The following FRK variants were observed in gnomAD, a reference collection of about 807,000 sequenced individuals.
The protein encoded by FRK is tyrosine-protein kinase FRK.
FRK carries 51 observed loss-of-function variants against 56.4 expected under a neutral mutation model. That is an observed-to-expected ratio of 0.90 (90% CI 0.72 to 1.14). The LOEUF (loss-of-function observed/expected upper bound fraction) is 1.14, where lower values mean the gene tolerates loss of function less well. Among genes scored for constraint, FRK ranks in the 50% most tolerant of loss-of-function variants. FRK has a pLI of 0.00. For synonymous variants in FRK, 245 were observed against 217.9 expected (o/e 1.12, Z -1.10); for missense variants, 570 against 601.4 (o/e 0.95, Z 0.55).
intron 1 of FRK, among the ~76,000 whole-genome samples, chr6:116,017,085 G>T (rs1775685944): frequency 6.6e-6 from 1 of 152,146 alleles, no homozygotes; most frequent in African/African-American, 2.4e-5. Context: ...ACAGAAAGAA[G>T]CAGTTGCACA....
chr6:116,036,632 T>A (rs779704100), intron 1 of FRK, among the ~76,000 whole-genome samples: 25 of 152,232 alleles, frequency 1.6e-4, no homozygotes, highest in Non-Finnish European at 3.2e-4. Flanking sequence ...TCCTGAGAGA[T>A]AGTCTTCCCT....
the FRK span, among the ~76,000 whole-genome samples, chr6:116,079,748 TTA>T: frequency 6.6e-6 from 1 of 152,132 alleles, no homozygotes; most frequent in Non-Finnish European, 1.5e-5. Flanking sequence ...TGCTAATTTT[TTA>T]ATTTTTTGTA....
chr6:116,070,310 G>A, the FRK span, among the ~76,000 whole-genome samples: 8 of 152,016 alleles, frequency 5.3e-5, no homozygotes, highest in African/African-American at 1.9e-4. Flanking sequence ...TAGCATAGGT[G>A]GCAGGGTTGG....
chr6:116,090,039 T>C, the FRK span, among the ~76,000 whole-genome samples: 2 of 152,200 alleles, frequency 1.3e-5, no homozygotes, highest in East Asian at 1.9e-4. Flanking sequence ...GATAAACAAA[T>C]AATTTTTTAG....
At chr6:115,966,268 C>G (rs1219150187) in intron 4 of FRK, among the ~76,000 whole-genome samples, 1 of 152,098 alleles carries the variant, frequency 6.6e-6, no homozygotes, top group Non-Finnish European at 1.5e-5. Flanking sequence ...CACTGCTACC[C>G]CCATTTTCTG....
At chr6:116,068,237 C>T in the FRK span, among the ~76,000 whole-genome samples, 1 of 152,080 alleles carries the variant, frequency 6.6e-6, no homozygotes, top group Non-Finnish European at 1.5e-5. Context: ...ATATTTGCAG[C>T]AGATGGTAAC....
At chr6:116,065,306 A>T (rs1340291079), upstream of FRK, among the ~76,000 whole-genome samples, 1 of 152,180 alleles carries the variant, frequency 6.6e-6, no homozygotes, top group African/African-American at 2.4e-5. Context: ...GGAAAATTGG[A>T]CTCTGTCTCC....
At chr6:116,041,655 C>T (rs1320482121) in intron 1 of FRK, among the ~76,000 whole-genome samples, 1 of 152,120 alleles carries the variant, frequency 6.6e-6, no homozygotes, top group Non-Finnish European at 1.5e-5. Context: ...TCAGGGAACT[C>T]CTTACCCTAG....
chr6:116,097,135 T>C, the FRK span, among the ~76,000 whole-genome samples: 1 of 151,324 alleles, frequency 6.6e-6, no homozygotes, highest in Non-Finnish European at 1.5e-5. Context: ...TTAAGATTAC[T>C]AAAAAAAAAT....
chr6:115,943,379 A>ATT (rs1772278544), intron 6 of FRK, among the ~76,000 whole-genome samples, 194 bp from the exon 7 acceptor site: 1 of 152,030 alleles, frequency 6.6e-6, no homozygotes, highest in African/African-American at 2.4e-5. Flanking sequence ...AGTCATTAAT[A>ATT]AAATATTATT....
the FRK span, among the ~76,000 whole-genome samples, chr6:116,087,606 A>G: frequency 6.6e-6 from 1 of 152,272 alleles, no homozygotes; most frequent in Admixed American, 6.5e-5. Flanking sequence ...CAGAGAATAC[A>G]GAGTAGCCCA....
At chr6:116,065,849 C>G (rs1777752341), upstream of FRK, among the ~76,000 whole-genome samples, 1 of 152,180 alleles carries the variant, frequency 6.6e-6, no homozygotes, top group Non-Finnish European at 1.5e-5. Context: ...TGTCATTCTC[C>G]TAGAACACAG....
chr6:116,037,972 C>T (rs1253012328), intron 1 of FRK, among the ~76,000 whole-genome samples: 1 of 152,150 alleles, frequency 6.6e-6, no homozygotes, highest in Non-Finnish European at 1.5e-5. Context: ...TGTACAAACC[C>T]GCAAATGAGG....
At chr6:116,032,109 T>C (rs566796047) in intron 1 of FRK, among the ~76,000 whole-genome samples, 1 of 152,224 alleles carries the variant, frequency 6.6e-6, no homozygotes, top group African/African-American at 2.4e-5. Flanking sequence ...GGTCAGGAAC[T>C]GTGTATCATT....
chr6:115,960,062 C>G (rs907966362), intron 4 of FRK, among the ~76,000 whole-genome samples: 2 of 152,114 alleles, frequency 1.3e-5, no homozygotes, highest in African/African-American at 2.4e-5. Context: ...CGAATAGGAA[C>G]AGCTCCTGTC....
At chr6:116,048,079 T>C (rs1373486290) in intron 1 of FRK, among the ~76,000 whole-genome samples, 2 of 152,242 alleles carry the variant, frequency 1.3e-5, no homozygotes, top group Non-Finnish European at 2.9e-5. Flanking sequence ...GTTTGATTCT[T>C]AGAATCCTTG....
At chr6:115,994,912 G>A (rs534465343) in intron 2 of FRK, among the ~76,000 whole-genome samples, 1 of 152,262 alleles carries the variant, frequency 6.6e-6, no homozygotes, top group African/African-American at 2.4e-5. Flanking sequence ...GCTATGTGGT[G>A]CCTAGGGAAG....
Position 115,942,375 on chromosome 6 carries a change from T to G in FRK, c.*39A>C. On this transcript the variant is annotated 3_prime_UTR_variant, in exon 8 of 8. Coordinates refer to ENST00000606080, the MANE Select transcript of FRK (RefSeq NM_002031.3). ...TATTTTGGAATGGATTATTTGAATT[T>G]GTTTTGCTACTTTATTATTTGATAT... The G allele has an allele frequency of 6.7e-7, 1 of 1,496,032 alleles. No homozygotes were observed. Among genetic ancestry groups the G allele is most frequent in the Non-Finnish European group, 9.3e-7 (1 of 1,075,880 alleles). 92.7% of individuals were successfully genotyped at this position (1,496,032 alleles called of 1,614,324 possible). A position where few individuals can be genotyped will look rare whatever the true frequency, so the allele number is the denominator to read the frequency against.
intron 2 of FRK, among the ~76,000 whole-genome samples, chr6:115,986,718 T>C (rs573198166): frequency 1.3e-5 from 2 of 152,266 alleles, no homozygotes; most frequent in South Asian, 4.1e-4. Context: ...AGAAAAATTA[T>C]GATCTCTACT....
Sources: gnomAD v4.1 joint callset for allele counts (sites outside exome capture counted in the v4.1 genomes callset) on GRCh38, gnomAD v4.1.1 for gene constraint, MANE v1.5 for transcripts, NCBI Gene and HGNC (gene_info 2026-07-23, HGNC 2026-07-21) for gene names.